DNAJB11: variants seen among roughly 807,000 people sequenced by gnomAD.
The protein encoded by DNAJB11 is DnaJ heat shock protein family (Hsp40) member B11.
DNAJB11 carries 30 observed loss-of-function variants against 47.2 expected under a neutral mutation model. The observed-to-expected ratio is 0.64, with a 90% CI of 0.48 to 0.86. The LOEUF is 0.86. Ranked by LOEUF, DNAJB11 falls within the 40% of genes least tolerant of loss-of-function variation. DNAJB11 has a pLI of 0.00. For missense variants in DNAJB11, 357 were observed against 440.2 expected (o/e 0.81, Z 1.69); for synonymous variants, 151 against 159.9 (o/e 0.94, Z 0.42).
intron 3 of DNAJB11, 69 bp from the exon 4 acceptor site, chr3:186,577,599 A>G (rs1426301081): frequency 1.4e-5 from 19 of 1,406,464 alleles, no homozygotes; most frequent in Non-Finnish European, 1.8e-5. Flanking sequence ...CGTAAAGAAA[A>G]TGAGTTAATT....
chr3:186,577,993 C>T (rs1412928562), intron 4 of DNAJB11, 193 bp downstream of exon 4: 4 of 382,286 alleles, frequency 1.0e-5, no homozygotes, highest in Non-Finnish European at 1.9e-5. Flanking sequence ...AGCTTAAGAA[C>T]TAAGTAAAAC....
At position 186,577,661 on chromosome 3, in the gene DNAJB11, T is replaced by C. The variant is rs746396846; in HGVS notation, c.324-7T>C. On this transcript the variant is annotated splice_region_variant and splice_polypyrimidine_tract_variant and intron_variant, in intron 3 of 9. Coordinates refer to ENST00000265028, the MANE Select transcript of DNAJB11 (RefSeq NM_016306.6). ...TTTTTTCCTGATGATTTTGCACTTA[T>C]CTTTAGCTTCTTTGGGGATTTTGGT... The C allele has an allele frequency of 1.9e-6, 3 of 1,565,188 alleles. No homozygotes were observed. Among genetic ancestry groups the C allele is most frequent in the African/African-American group, 1.4e-5 (1 of 72,342 alleles).
chr3:186,571,031 G>GGGGGGC, intron 1 of DNAJB11, 66 bp downstream of exon 1: 1 of 1,041,144 alleles, frequency 9.6e-7, no homozygotes, highest in Non-Finnish European at 1.4e-6. Context: ...GTGGGAGGGG[G>GGGGGGC]TGGGGGAAGT....
intron 1 of DNAJB11, among the ~76,000 whole-genome samples, chr3:186,571,789 C>T (rs1715067577): frequency 6.6e-6 from 1 of 152,054 alleles, no homozygotes; most frequent in Non-Finnish European, 1.5e-5. Flanking sequence ...AACATGAGAC[C>T]ATAAAATAAG....
intron 2 of DNAJB11, 63 bp from the exon 3 acceptor site, chr3:186,575,777 G>T: frequency 1.6e-6 from 2 of 1,285,710 alleles, no homozygotes; most frequent in South Asian, 2.5e-5. Context: ...ACATAAATAT[G>T]ACTGTGCCTT....
intron 3 of DNAJB11, among the ~76,000 whole-genome samples, chr3:186,577,057 A>T (rs1309224229): frequency 6.6e-6 from 1 of 152,202 alleles, no homozygotes; most frequent in African/African-American, 2.4e-5. Context: ...TACAAAAATT[A>T]GTTTGGGTCT....
intron 2 of DNAJB11, among the ~76,000 whole-genome samples, chr3:186,575,354 T>TGCGCGCGTGC (rs1553850115): frequency 1.6e-4 from 21 of 129,504 alleles, no homozygotes; most frequent in African/African-American, 6.3e-4. Flanking sequence ...TCCTAATACA[T>TGCGCGCGTGC]GCGCGCGCGC....
intron 3 of DNAJB11, among the ~76,000 whole-genome samples, chr3:186,577,091 C>T (rs1233197423): frequency 6.6e-6 from 1 of 152,156 alleles, no homozygotes; most frequent in African/African-American, 2.4e-5. Context: ...ACTTCCTTCT[C>T]CTTAAGCACT....
chr3:186,573,453 C>T (rs553540539), intron 2 of DNAJB11, among the ~76,000 whole-genome samples: 85 of 152,186 alleles, frequency 5.6e-4, no homozygotes, highest in Middle Eastern at 3.4e-3. Context: ...GGCACGATCT[C>T]GGCTCACTGC....
chr3:186,575,875 T>C lies in DNAJB11; in HGVS notation c.261T>C (p.Asp87=). The change falls in exon 3 of 10, where the codon GAT becomes GAC. Residue 87 remains aspartate (D), a synonymous_variant. Transcript: ENST00000265028. The part of the protein sequence containing the change: ...LSDSEKRKQY[D]TYGEEGLKDG... ...ATAGTGAGAAACGGAAACAGTACGA[T>C]ACTTATGGTGAAGAAGGATTAAAAG... 1.2e-6 allele frequency: 2 copies of C among 1,614,056 alleles called. No homozygotes were observed. The highest frequency in any genetic ancestry group is 1.7e-6 in the Non-Finnish European group (2 of 1,179,942).
rs1169192999 is a variant in DNAJB11 at position 186,577,743 on chromosome 3, TA to T, written c.400del (p.Ile134LeufsTer3). On this transcript the variant is annotated frameshift_variant, in exon 4 of 10. Coordinates refer to ENST00000265028, the MANE Select transcript of DNAJB11 (RefSeq NM_016306.6). LOFTEE classifies it high-confidence loss of function. ...ACAGAAATATTCCAAGAGGAAGTGA[TA>T]TTATTGTAGATCTAGAAGTCACTTT... ...QDRNIPRGSD[I>X]IVDLEVTLEE... 12 of 1,609,460 alleles carry T rather than the reference TA, an allele frequency of 7.5e-6. No individual in the cohort carries two copies. Among genetic ancestry groups the T allele is most frequent in the African/African-American group, 1.3e-5 (1 of 74,828 alleles).
intron 1 of DNAJB11, among the ~76,000 whole-genome samples, chr3:186,571,477 T>A (rs1715052024): frequency 6.6e-6 from 1 of 152,132 alleles, no homozygotes; most frequent in Non-Finnish European, 1.5e-5. Flanking sequence ...GACATTAAAG[T>A]GGGTGGATGA....
At chr3:186,581,574 C>A in intron 5 of DNAJB11, 61 bp downstream of exon 5, 1 of 1,572,186 alleles carries the variant, frequency 6.4e-7, no homozygotes, top group Non-Finnish European at 8.7e-7. Context: ...TTCATCTAGT[C>A]AAACACTAAT....
intron 4 of DNAJB11, 98 bp from the exon 5 acceptor site, chr3:186,581,273 G>C: frequency 7.3e-7 from 1 of 1,375,480 alleles, no homozygotes; most frequent in Non-Finnish European, 9.9e-7. Flanking sequence ...AGAAGGGGAA[G>C]TTTCAGTCCA....
At position 186,581,376 on chromosome 3, in the gene DNAJB11, T is replaced by C. The variant is rs1715478374; in HGVS notation, c.462T>C (p.Val154=). The C allele has an allele frequency of 6.2e-7, 1 of 1,613,782 alleles. No individual in the cohort carries two copies. The change falls in exon 5 of 10, where the codon GTT becomes GTC. Residue 154 remains valine, a synonymous_variant. Transcript: ENST00000265028. ...EVYAGNFVEV[V]RNKPVARQAP... ...GTTGTTTATGCACTTCCTAGGTAGT[T>C]AGAAACAAACCTGTGGCAAGGCAGG...
At chr3:186,577,484 T>G (rs1187600969) in intron 3 of DNAJB11, among the ~76,000 whole-genome samples, 184 bp from the exon 4 acceptor site, 1 of 152,188 alleles carries the variant, frequency 6.6e-6, no homozygotes, top group Non-Finnish European at 1.5e-5. Context: ...TACAACATGG[T>G]TGATAGTATA....
intron 1 of DNAJB11, among the ~76,000 whole-genome samples, chr3:186,571,443 C>A (rs530422481): frequency 7.2e-5 from 11 of 152,258 alleles, no homozygotes; most frequent in African/African-American, 2.2e-4. Flanking sequence ...CTATGCCAAG[C>A]CTTCGAAGAG....
At chr3:186,584,653 T>A in intron 9 of DNAJB11, 64 bp downstream of exon 9, 1 of 762,840 alleles carries the variant, frequency 1.3e-6, no homozygotes, top group Non-Finnish European at 1.7e-6. Flanking sequence ...GTGTGTGAGA[T>A]GAGAAAAGGA....
rs1256970363 is a variant in DNAJB11 at position 186,573,781 on chromosome 3, A to G, written c.225+1530A>G. Among the ~76,000 whole-genome samples the G allele has an allele frequency of 4.6e-5, 7 of 152,220 alleles. No homozygotes were observed. The South Asian group carries it at 1.4e-3, about 31-fold the overall frequency. The stretch of plus-strand genomic sequence containing the variant: ...TGTAATATTTTGTTTCTTGTTGATA[A>G]TATGCATTCTATATTTTGCACTGTA... On this transcript the variant is annotated intron_variant, in intron 2 of 9. Transcript: ENST00000265028.
Sources: allele counts gnomAD v4.1 joint callset (sites outside exome capture counted in the v4.1 genomes callset), GRCh38; gene constraint gnomAD v4.1.1; transcripts MANE v1.5; gene names NCBI Gene and HGNC (gene_info 2026-07-23, HGNC 2026-07-21).